The following GPC5 variants were observed in gnomAD, a reference collection of about 807,000 sequenced individuals.
GPC5 encodes glypican-5.
Under a neutral mutation model 53.9 loss-of-function variants are expected in GPC5, and 47 were observed. That is an observed-to-expected ratio of 0.87 (90% CI 0.69 to 1.11). The LOEUF (loss-of-function observed/expected upper bound fraction) is 1.11. Among genes scored for constraint, GPC5 ranks in the 50% most tolerant of loss-of-function variants. GPC5 has a pLI of 0.00. For synonymous variants in GPC5, 286 were observed against 263.3 expected (o/e 1.09, Z -0.84); for missense variants, 748 against 713.1 (o/e 1.05, Z -0.56).
chr13:91,536,995 G>A (rs1389900132), intron 2 of GPC5, among the ~76,000 whole-genome samples: 6 of 152,168 alleles, frequency 3.9e-5, no homozygotes, highest in Non-Finnish European at 5.9e-5. Flanking sequence ...AATATTTTGC[G>A]AAGAATAAAA....
intron 7 of GPC5, among the ~76,000 whole-genome samples, chr13:92,600,223 T>C (rs1884003356): frequency 1.3e-5 from 2 of 152,224 alleles, no homozygotes; most frequent in South Asian, 4.1e-4. Flanking sequence ...TAGCATGTAG[T>C]CCATTTATAT....
At chr13:92,545,367 C>G (rs1239690724) in intron 7 of GPC5, among the ~76,000 whole-genome samples, 2 of 152,118 alleles carry the variant, frequency 1.3e-5, no homozygotes, top group Middle Eastern at 3.2e-3. Flanking sequence ...GTGAATAGTG[C>G]TGCAATAAAC....
intron 7 of GPC5, among the ~76,000 whole-genome samples, chr13:92,301,438 T>A (rs2043074803): frequency 6.6e-6 from 1 of 152,202 alleles, no homozygotes; most frequent in African/African-American, 2.4e-5. Context: ...AAGAAAACTA[T>A]CTGAAAGTTA....
intron 5 of GPC5, among the ~76,000 whole-genome samples, chr13:91,817,413 C>T (rs991721174): frequency 2.0e-5 from 3 of 152,184 alleles, no homozygotes; most frequent in Admixed American, 6.5e-5. Flanking sequence ...CATGGAAATG[C>T]GCAGTCATGT....
chr13:92,122,486 G>C (rs1362251852), intron 6 of GPC5, among the ~76,000 whole-genome samples: 5 of 151,566 alleles, frequency 3.3e-5, no homozygotes, highest in African/African-American at 1.2e-4. Flanking sequence ...TTATCCTAAC[G>C]CCTTAGAACA....
chr13:92,018,670 G>A lies in GPC5; in HGVS notation c.1401+110613G>A, dbSNP rs549909288. On this transcript the variant is annotated intron_variant, in intron 6 of 7. Transcript: ENST00000377067. ...ATTCAAAAGATGTCATTAAAAATACGTAACTAGAAATCAAGATTTTCAAAT... is the reference window on the plus strand; with the variant it reads ...ATTCAAAAGATGTCATTAAAAATACATAACTAGAAATCAAGATTTTCAAAT... Among the ~76,000 whole-genome samples, 146 of 152,078 alleles carry A rather than the reference G, an allele frequency of 9.6e-4. 2 individuals are homozygous for A. The Middle Eastern group carries it at 0.017, about 18-fold the overall frequency.
chr13:91,913,937 A>C (rs767902167), intron 6 of GPC5, among the ~76,000 whole-genome samples: 1 of 152,208 alleles, frequency 6.6e-6, no homozygotes, highest in Non-Finnish European at 1.5e-5. Context: ...CGTCAGACTC[A>C]ATTGCCCTTT....
chr13:92,507,163 C>A (rs1327011356), intron 7 of GPC5, among the ~76,000 whole-genome samples: 1 of 152,180 alleles, frequency 6.6e-6, no homozygotes, highest in Non-Finnish European at 1.5e-5. Flanking sequence ...CTGTCCTAAT[C>A]ATTCTCTACT....
chr13:92,861,519 G>T (rs961315666), intron 7 of GPC5, among the ~76,000 whole-genome samples: 34 of 152,024 alleles, frequency 2.2e-4, no homozygotes, highest in African/African-American at 8.2e-4. Flanking sequence ...TCTTATTATT[G>T]TAAATATCCA....
intron 7 of GPC5, among the ~76,000 whole-genome samples, chr13:92,274,802 T>C (rs1474780293): frequency 1.3e-5 from 2 of 152,116 alleles, no homozygotes; most frequent in Non-Finnish European, 2.9e-5. Context: ...TACAATCTTA[T>C]GCAGTATAAT....
rs545330460 is a variant in GPC5, at chr13:92,018,144, C to T, written c.1401+110087C>T. Among the ~76,000 whole-genome samples the T allele has an allele frequency of 2.0e-5, 3 of 152,042 alleles. No homozygotes were observed. The East Asian group carries it at 5.8e-4, about 29-fold the overall frequency. ...AATTCATTGCTAATGAAATGCAACC[C>T]CGGTGCAACAGCTCTTTGAGAATTG... On this transcript the variant is annotated intron_variant, in intron 6 of 7. Transcript: ENST00000377067.
chr13:91,946,840 G>A (rs1406866294), intron 6 of GPC5, among the ~76,000 whole-genome samples: 2 of 152,114 alleles, frequency 1.3e-5, no homozygotes, highest in Non-Finnish European at 2.9e-5. Flanking sequence ...TTAGGCCATA[G>A]GATATAAGCC....
At chr13:91,662,423 T>C (rs1384319561) in intron 2 of GPC5, among the ~76,000 whole-genome samples, 1 of 152,174 alleles carries the variant, frequency 6.6e-6, no homozygotes, top group East Asian at 1.9e-4. Flanking sequence ...GACATCTTGA[T>C]AAAAGTCAGT....
intron 7 of GPC5, among the ~76,000 whole-genome samples, chr13:92,835,623 G>A (rs1458654796): frequency 6.6e-6 from 1 of 151,866 alleles, no homozygotes; most frequent in Non-Finnish European, 1.5e-5. Context: ...GTTTTAATTT[G>A]TTGTCACTGT....
chr13:92,823,263 A>T (rs1055650221), intron 7 of GPC5, among the ~76,000 whole-genome samples: 6 of 152,174 alleles, frequency 3.9e-5, no homozygotes, highest in Non-Finnish European at 7.4e-5. Context: ...CTGTGCAAAT[A>T]AAGCATTCTT....
At chr13:92,154,121 C>T (rs560952722) in intron 7 of GPC5, among the ~76,000 whole-genome samples, 3 of 152,222 alleles carry the variant, frequency 2.0e-5, no homozygotes, top group Admixed American at 6.5e-5. Flanking sequence ...AAAGGGAGTG[C>T]CAGTGTATCA....
intron 6 of GPC5, among the ~76,000 whole-genome samples, chr13:92,075,779 T>A (rs2041247154): frequency 6.6e-6 from 1 of 152,188 alleles, no homozygotes; most frequent in Admixed American, 6.5e-5. Flanking sequence ...TTGTTGCATT[T>A]TAAAATCAGT....
intron 7 of GPC5, among the ~76,000 whole-genome samples, chr13:92,385,427 T>TAC (rs1339744849): frequency 0.05 from 3,831 of 76,350 alleles, 379 homozygotes; most frequent in African/African-American, 0.11. Flanking sequence ...TATACATATA[T>TAC]ACATATATAC....
intron 7 of GPC5, chr13:92,490,295 T>C (rs1392359520): frequency 6.5e-6 from 1 of 153,400 alleles, no homozygotes; most frequent in Non-Finnish European, 1.5e-5. Flanking sequence ...ATCTATTTTT[T>C]CACTAACAGA....
Sources: allele counts gnomAD v4.1 joint callset (sites outside exome capture counted in the v4.1 genomes callset), GRCh38; gene constraint gnomAD v4.1.1; transcripts MANE v1.5; gene names NCBI Gene and HGNC (gene_info 2026-07-23, HGNC 2026-07-21).